The following GPC6 variants were observed in gnomAD, a reference collection of about 807,000 sequenced individuals.
GPC6 encodes the protein glypican-6.
In GPC6, 14 loss-of-function variants were observed where a neutral mutation model predicts 55.2. The ratio of observed to expected loss-of-function variants is 0.25; its 90% CI spans 0.17 to 0.40. The LOEUF is 0.40. Among genes scored for constraint, GPC6 ranks in the 10% least tolerant of loss-of-function variants. The probability of loss-of-function intolerance (pLI) is 1.00; values close to 1 mark genes in which losing one functional copy is unlikely to be tolerated. For missense variants in GPC6, 641 were observed against 708.5 expected, an observed-to-expected ratio of 0.90 and a Z score of 1.08; for synonymous variants, 278 against 259.6, an observed-to-expected ratio of 1.07 and a Z score of -0.68.
chr13:94,316,500 G>A (rs1876538368), intron 6 of GPC6, among the ~76,000 whole-genome samples: 1 of 151,980 alleles, frequency 6.6e-6, no homozygotes, highest in South Asian at 2.1e-4. Context: ...GGCGGATCAC[G>A]AGGTCAGGAG....
At chr13:93,221,516 C>A in the GPC6 span, among the ~76,000 whole-genome samples, 1,843 of 152,160 alleles carry the variant, frequency 0.012, 45 homozygotes, top group African/African-American at 0.041. Context: ...CATTAGTAAC[C>A]CAGTTTGTTC....
chr13:94,177,567 T>C (rs1888824293), intron 4 of GPC6, among the ~76,000 whole-genome samples: 1 of 152,114 alleles, frequency 6.6e-6, no homozygotes, highest in Admixed American at 6.6e-5. Context: ...ATATCAATTG[T>C]CACCAATCAA....
rs10595180 is a variant in GPC6, at chr13:93,764,583, A to AACACAC, written c.320-65548_320-65543dup. ...TTTATGAGAAAAAAATAAAGATGTAAACACACACACACACACACACACACA... is the reference window on the plus strand; with the variant it reads ...TTTATGAGAAAAAAATAAAGATGTAAACACACACACACACACACACACACACACACA... On this transcript the variant is annotated intron_variant, in intron 2 of 8. Coordinates refer to ENST00000377047, the MANE Select transcript of GPC6 (RefSeq NM_005708.5). Among the ~76,000 whole-genome samples the AACACAC allele has an allele frequency of 2.8e-3, 423 of 148,562 alleles. 1 individual carries two copies. The highest frequency in any genetic ancestry group is 0.024 in the Middle Eastern group (7 of 286).
At chr13:93,754,133 G>C (rs529873746) in intron 2 of GPC6, among the ~76,000 whole-genome samples, 4 of 152,114 alleles carry the variant, frequency 2.6e-5, no homozygotes, top group African/African-American at 9.6e-5. Flanking sequence ...CATATTATAA[G>C]GTATTTTCAA....
intron 1 of GPC6, among the ~76,000 whole-genome samples, chr13:93,284,561 A>T (rs372796768): frequency 6.6e-6 from 1 of 152,168 alleles, no homozygotes; most frequent in Non-Finnish European, 1.5e-5. Flanking sequence ...TGTATTTCAT[A>T]TATTTGTCAG....
intron 1 of GPC6, among the ~76,000 whole-genome samples, chr13:93,466,984 T>A (rs1878927498): frequency 6.6e-6 from 1 of 151,908 alleles, no homozygotes; most frequent in Admixed American, 6.6e-5. Flanking sequence ...GAAAGGGGAG[T>A]CTATGAGGTA....
chr13:93,294,259 C>A (rs986028080), intron 1 of GPC6, among the ~76,000 whole-genome samples: 3 of 151,996 alleles, frequency 2.0e-5, no homozygotes, highest in African/African-American at 7.3e-5. Flanking sequence ...TTTACCCAGG[C>A]CTTCAATAAG....
At chr13:93,277,718 A>G (rs1244558936) in intron 1 of GPC6, among the ~76,000 whole-genome samples, 4 of 152,204 alleles carry the variant, frequency 2.6e-5, no homozygotes, top group Admixed American at 6.5e-5. Context: ...TCAACTAGAC[A>G]TAACTTTATT....
At chr13:93,557,399 T>TA (rs200720972) in intron 2 of GPC6, among the ~76,000 whole-genome samples, 5,666 of 151,948 alleles carry the variant, frequency 0.037, 347 homozygotes, top group African/African-American at 0.13. Context: ...TGATTGATGT[T>TA]AAAAAAAATA....
chr13:93,681,719 C>T (rs753099069), intron 2 of GPC6, among the ~76,000 whole-genome samples: 20 of 152,026 alleles, frequency 1.3e-4, no homozygotes, highest in Admixed American at 8.5e-4. Flanking sequence ...TTTTATAATG[C>T]GAGAAATGTT....
chr13:93,415,321 T>A (rs537798601), intron 1 of GPC6, among the ~76,000 whole-genome samples: 1 of 152,220 alleles, frequency 6.6e-6, no homozygotes, highest in South Asian at 2.1e-4. Context: ...AACGTATAAA[T>A]ATGGTTTATA....
chr13:93,748,823 G>A (rs1479363214), intron 2 of GPC6, among the ~76,000 whole-genome samples: 1 of 151,926 alleles, frequency 6.6e-6, no homozygotes, highest in African/African-American at 2.4e-5. Context: ...AAGTGAAAAC[G>A]AACAATACCT....
chr13:94,303,346 A>G (rs751951908), intron 5 of GPC6, among the ~76,000 whole-genome samples: 28 of 152,052 alleles, frequency 1.8e-4, no homozygotes, highest in Non-Finnish European at 1.3e-4. Flanking sequence ...TCTCTTTACT[A>G]CCTGATCGGG....
chr13:94,248,575 T>C (rs1891263290), intron 4 of GPC6, among the ~76,000 whole-genome samples: 1 of 152,006 alleles, frequency 6.6e-6, no homozygotes, highest in Non-Finnish European at 1.5e-5. Flanking sequence ...AAGTATGCAA[T>C]GCCTTCTCAA....
At chr13:93,296,811 G>C (rs1332352069) in intron 1 of GPC6, among the ~76,000 whole-genome samples, 2 of 152,096 alleles carry the variant, frequency 1.3e-5, no homozygotes, top group African/African-American at 4.8e-5. Context: ...AATGATTCAT[G>C]GCACAGTGAC....
intron 2 of GPC6, among the ~76,000 whole-genome samples, chr13:93,691,523 G>A (rs899158451): frequency 5.3e-5 from 8 of 149,946 alleles, no homozygotes; most frequent in Admixed American, 1.3e-4. Context: ...CCTGTTTGAC[G>A]CTAATCTGAT....
chr13:93,929,763 A>T (rs763366569), intron 3 of GPC6, among the ~76,000 whole-genome samples: 15 of 152,056 alleles, frequency 9.9e-5, no homozygotes, highest in African/African-American at 3.6e-4. Flanking sequence ...GATTAAATTA[A>T]TTTAAATAAT....
chr13:94,388,845 C>T (rs935488888), intron 7 of GPC6, among the ~76,000 whole-genome samples: 5 of 152,224 alleles, frequency 3.3e-5, no homozygotes, highest in African/African-American at 9.6e-5. Flanking sequence ...CTAAGAGGTA[C>T]CAAAGGCCCT....
At chr13:93,918,140 C>T (rs944597638) in intron 3 of GPC6, among the ~76,000 whole-genome samples, 1 of 151,518 alleles carries the variant, frequency 6.6e-6, no homozygotes, top group Non-Finnish European at 1.5e-5. Context: ...ACTTGGAGAT[C>T]GACAAGATGA....
Sources: gnomAD v4.1 joint callset for allele counts (sites outside exome capture counted in the v4.1 genomes callset) on GRCh38, gnomAD v4.1.1 for gene constraint, MANE v1.5 for transcripts, NCBI Gene and HGNC (gene_info 2026-07-23, HGNC 2026-07-21) for gene names.